STAT1: variants seen among roughly 807,000 people sequenced by gnomAD.
STAT1 encodes signal transducer and activator of transcription 1.
A neutral mutation model predicts 111.7 loss-of-function variants in STAT1; 24 were observed. The ratio of observed to expected loss-of-function variants is 0.21; its 90% CI spans 0.16 to 0.30. The LOEUF (loss-of-function observed/expected upper bound fraction) is 0.30. Among genes scored for constraint, STAT1 ranks in the 10% least tolerant of loss-of-function variants. STAT1 has a pLI of 1.00. For synonymous variants in STAT1, 332 were observed against 326.5 expected (o/e 1.02, Z -0.18); for missense variants, 351 against 911.9 (o/e 0.38, Z 7.92).
rs1209045167 is a variant in STAT1, at chr2:191,010,019, A to G, written c.-1-15T>C. 1 of 1,613,544 alleles carries G rather than the reference A, an allele frequency of 6.2e-7. No individual in the cohort carries two copies. Among genetic ancestry groups the G allele is most frequent in the Non-Finnish European group, 8.5e-7 (1 of 1,179,702 alleles). On this transcript the variant is annotated splice_polypyrimidine_tract_variant and intron_variant, in intron 2 of 24. Transcript: ENST00000361099. ...ACTGAGACATCCTATAGGGAAAAAG[A>G]ATATACATTCTTTCTATGTATATGG...
intron 3 of STAT1, 104 bp downstream of exon 3, chr2:191,009,772 C>T (rs1694987936): frequency 7.0e-7 from 1 of 1,427,292 alleles, no homozygotes; most frequent in Non-Finnish European, 9.9e-7. Flanking sequence ...ATTCCAGTGG[C>T]CATTGATGGA....
intron 5 of STAT1, 68 bp from the exon 6 acceptor site, chr2:191,001,231 A>G (rs776811179): frequency 4.9e-5 from 60 of 1,229,690 alleles, no homozygotes; most frequent in Non-Finnish European, 6.6e-5. Flanking sequence ...GTTACACTCC[A>G]AAGTCAAGTC....
In STAT1 at chr2:190,975,924, C is replaced by T. The variant is rs767231455; in HGVS notation, c.2060-37G>A. On this transcript the variant is annotated intron_variant, in intron 22 of 24. Coordinates refer to ENST00000361099, the MANE Select transcript of STAT1 (RefSeq NM_007315.4). The surrounding 1 kb of genome is among the most constrained non-coding windows in gnomAD (Gnocchi z 5.9). The stretch of plus-strand genomic sequence containing the variant: ...CACATTGTGTACGCTTTCCATCAAC[C>T]GAAATTCCATCAGAATACAACATCA... The T allele has an allele frequency of 1.0e-5, 16 of 1,559,940 alleles. No homozygotes were observed. Among genetic ancestry groups the T allele is most frequent in the Admixed American group, 1.7e-5 (1 of 59,876 alleles).
Position 190,980,376 on chromosome 2 carries a change from C to T in STAT1, c.1632+244G>A, listed in dbSNP as rs1341998312. Among the ~76,000 whole-genome samples, 1 of 152,238 alleles carries T rather than the reference C, an allele frequency of 6.6e-6. No individual in the cohort carries two copies. The highest frequency in any genetic ancestry group is 1.5e-5 in the Non-Finnish European group (1 of 68,048). ...TGGGCAGGGGTCCAGCGTGAGTGAA[C>T]AGAAGCCTCATTTCAGATATGAAAG... On this transcript the variant is annotated intron_variant, in intron 19 of 24. Coordinates refer to ENST00000361099, the MANE Select transcript of STAT1 (RefSeq NM_007315.4). The surrounding 1 kb of genome is among the most constrained non-coding windows in gnomAD (Gnocchi z 6.1).
Position 190,998,339 on chromosome 2 carries a change from T to A in STAT1, c.542-31A>T. 1 of 1,549,552 alleles carries A rather than the reference T, an allele frequency of 6.5e-7. No individual in the cohort carries two copies. Among genetic ancestry groups the A allele is most frequent in the Non-Finnish European group, 8.9e-7 (1 of 1,122,762 alleles). On this transcript the variant is annotated intron_variant, in intron 7 of 24. Transcript: ENST00000361099. The surrounding 1 kb of genome is among the most constrained non-coding windows in gnomAD (Gnocchi z 4.1). The stretch of plus-strand genomic sequence containing the variant: ...AATTGAGAGACAGCCAGTAAATATA[T>A]AAAGAAGACAAAACCAACAAAAGCC...
rs2125010057 is a variant in STAT1 at position 190,979,689 on chromosome 2, A to G, written c.1727+83T>C. The G allele has an allele frequency of 1.8e-6, 2 of 1,130,680 alleles. No individual in the cohort carries two copies. Among genetic ancestry groups the G allele is most frequent in the East Asian group, 4.7e-5 (2 of 42,500 alleles). The allele number at this position is 1,130,680 out of a possible 1,614,324, so 70.0% of individuals were successfully genotyped here. On this transcript the variant is annotated intron_variant, in intron 20 of 24. Transcript: ENST00000361099. This position sits in a 1 kb window ranked among gnomAD's most constrained non-coding sequence, Gnocchi z 5.8. ...TGTGAGATTCACACACGCCTAGTCA[A>G]ATACTGAAGCTGGACTCAGGCCTTG...
intron 2 of STAT1, among the ~76,000 whole-genome samples, chr2:191,011,227 T>C (rs1695092066): frequency 6.6e-6 from 1 of 152,218 alleles, no homozygotes; most frequent in Non-Finnish European, 1.5e-5. Flanking sequence ...GCACTCCTGC[T>C]GAAGCAATTT....
In STAT1 at chr2:190,998,176, A is replaced by T; in HGVS notation, c.633+41T>A. ...ACTTTGAGTCCATTATTTACAGTGT[A>T]TAACAAAAGTGGCATGCTATTCTGG... On this transcript the variant is annotated intron_variant, in intron 8 of 24. Transcript: ENST00000361099. This position sits in a 1 kb window ranked among gnomAD's most constrained non-coding sequence, Gnocchi z 4.1. The T allele has an allele frequency of 6.3e-7, 1 of 1,587,988 alleles. No individual in the cohort carries two copies. The highest frequency in any genetic ancestry group is 8.6e-7 in the Non-Finnish European group (1 of 1,156,642).
Position 190,997,742 on chromosome 2 carries a change from A to G in STAT1, c.785+114T>C. ...GTAAGCAGAAGCTGGACTATGTCAA[A>G]CTCTATACTAATGTTTTGACAGGGT... On this transcript the variant is annotated intron_variant, in intron 9 of 24. Coordinates refer to ENST00000361099, the MANE Select transcript of STAT1 (RefSeq NM_007315.4). The surrounding 1 kb of genome is among the most constrained non-coding windows in gnomAD (Gnocchi z 7.3). 6.7e-7 allele frequency: 1 copy of G among 1,495,258 alleles called. No individual in the cohort carries two copies. Among genetic ancestry groups the G allele is most frequent in the East Asian group, 2.3e-5 (1 of 43,872 alleles). 92.6% of individuals were successfully genotyped at this position (1,495,258 alleles called of 1,614,324 possible).
At position 190,993,219 on chromosome 2, in the gene STAT1, C is replaced by T. The variant is rs537236064; in HGVS notation, c.944+1842G>A. 1.7e-4 allele frequency: 95 copies of T among 563,304 alleles called. 3 individuals carry two copies. The highest frequency in any genetic ancestry group is 1.5e-3 in the South Asian group (85 of 57,260). The allele number at this position is 563,304 out of a possible 1,614,324, so 34.9% of individuals were successfully genotyped here. ...TTGTTCCCTACCAACAATTTGTTGA[C>T]GTTTTCACTGGGATAATGATCTATT... On this transcript the variant is annotated intron_variant, in intron 10 of 24. Transcript: ENST00000361099. The surrounding 1 kb of genome is among the most constrained non-coding windows in gnomAD (Gnocchi z 4.1).
At chr2:190,992,370 C>T (rs890246136) in intron 10 of STAT1, among the ~76,000 whole-genome samples, 4 of 151,900 alleles carry the variant, frequency 2.6e-5, no homozygotes, top group South Asian at 2.1e-4. Flanking sequence ...TAACCAACCA[C>T]GAGAAAACAG....
rs1692413170 is a variant in STAT1, at chr2:190,981,795, T to A, written c.1582+588A>T. Reference sequence around the variant, plus strand: ...GATCTGACCTTGAGACTAGTGGATCTTTGATTTGTTTAGTATGAAGGACTA... The same window carrying A: ...GATCTGACCTTGAGACTAGTGGATCATTGATTTGTTTAGTATGAAGGACTA... On this transcript the variant is annotated intron_variant, in intron 18 of 24. Coordinates refer to ENST00000361099, the MANE Select transcript of STAT1 (RefSeq NM_007315.4). The surrounding 1 kb of genome is among the most constrained non-coding windows in gnomAD (Gnocchi z 4.1). Among the ~76,000 whole-genome samples the A allele has an allele frequency of 6.6e-6, 1 of 152,258 alleles. No individual in the cohort carries two copies. The highest frequency in any genetic ancestry group is 6.5e-5 in the Admixed American group (1 of 15,294).
chr2:190,986,847 T>C lies in STAT1; in HGVS notation c.1221+7A>G. The C allele has an allele frequency of 6.2e-7, 1 of 1,613,662 alleles. No individual in the cohort carries two copies. Among genetic ancestry groups the C allele is most frequent in the Non-Finnish European group, 8.5e-7 (1 of 1,179,556 alleles). On this transcript the variant is annotated splice_region_variant and intron_variant, in intron 14 of 24. Coordinates refer to ENST00000361099, the MANE Select transcript of STAT1 (RefSeq NM_007315.4). This position sits in a 1 kb window ranked among gnomAD's most constrained non-coding sequence, Gnocchi z 5.0. The stretch of plus-strand genomic sequence containing the variant: ...AGACAACATAGAGAGGAAACTGATG[T>C]CCCTACCAGGTGCCGAAATTCAGCC...
At position 190,980,705 on chromosome 2, in the gene STAT1, A is replaced by C; in HGVS notation, c.1583-36T>G. 1 of 1,607,106 alleles carries C rather than the reference A, an allele frequency of 6.2e-7. No individual in the cohort carries two copies. Among genetic ancestry groups the C allele is most frequent in the Non-Finnish European group, 8.5e-7 (1 of 1,173,604 alleles). ...AAAAACCAGATTTTTCAGCAAACAG[A>C]AACTGATTCTAAAGCTTTGGTTGGA... is the stretch of plus-strand genomic sequence containing the variant. On this transcript the variant is annotated intron_variant, in intron 18 of 24. Transcript: ENST00000361099. This position sits in a 1 kb window ranked among gnomAD's most constrained non-coding sequence, Gnocchi z 6.1.
In STAT1 at chr2:190,991,311, C is replaced by A. The variant is rs1248259820; in HGVS notation, c.954G>T (p.Val318=). 3.1e-6 allele frequency: 5 copies of A among 1,613,952 alleles called. No individual in the cohort carries two copies. The highest frequency in any genetic ancestry group is 4.2e-6 in the Non-Finnish European group (5 of 1,179,988). The change falls in exon 11 of 25, where the codon GTG becomes GTT. Residue 318 remains valine (V), a synonymous_variant. Transcript: ENST00000361099. The stretch of plus-strand genomic sequence containing the variant: ...TTGGCATGCAGGGCTGTCTTTCCAC[C>A]ACAAACGAGCTGCAAATACCCAGCA... ...LFQQLIQSSF[V]VERQPCMPTH... is the part of the protein sequence containing the mutation.
At position 190,974,042 on chromosome 2, in the gene STAT1, A is replaced by AT. The variant is rs535211282; in HGVS notation, c.2238+787dup. 3.3e-5 allele frequency among the ~76,000 whole-genome samples: 5 copies of AT among 152,298 alleles called. No homozygotes were observed. The South Asian group carries it at 1.0e-3, about 32-fold the overall frequency. On this transcript the variant is annotated intron_variant, in intron 24 of 24. Coordinates refer to ENST00000361099, the MANE Select transcript of STAT1 (RefSeq NM_007315.4). The surrounding 1 kb of genome is among the most constrained non-coding windows in gnomAD (Gnocchi z 4.8). ...AGAAAGGCCAGTAATAACTCAGGAT[A>AT]TTTTTTGGAAGCATTAAATAAATTT...
chr2:190,992,787 T>C (rs1693477498), intron 10 of STAT1: 2 of 565,998 alleles, frequency 3.5e-6, no homozygotes, highest in Non-Finnish European at 5.5e-6. Flanking sequence ...ATTCATTGCA[T>C]TCTTTCTTTT....
intron 5 of STAT1, among the ~76,000 whole-genome samples, chr2:191,005,431 G>T (rs1248173243): frequency 6.6e-6 from 1 of 152,196 alleles, no homozygotes; most frequent in Non-Finnish European, 1.5e-5. Flanking sequence ...CTTTATGGGG[G>T]TACCACCTTT....
intron 12 of STAT1, among the ~76,000 whole-genome samples, chr2:190,988,796 G>T (rs114919884): frequency 6.3e-4 from 96 of 152,192 alleles, no homozygotes; most frequent in African/African-American, 2.2e-3. Context: ...TCTTATAGGA[G>T]TGGGAAAAAG....
Sources: allele counts gnomAD v4.1 joint callset (sites outside exome capture counted in the v4.1 genomes callset), GRCh38; gene constraint gnomAD v4.1.1; non-coding constraint Gnocchi (gnomAD v3.1); transcripts MANE v1.5; gene names NCBI Gene and HGNC (gene_info 2026-07-23, HGNC 2026-07-21).